The following RAD23B variants were observed in gnomAD, a reference collection of about 807,000 sequenced individuals.
The protein encoded by RAD23B is RAD23 nucleotide excision repair protein B, also known as lysine-specific demethylase RAD23B.
In RAD23B, 5 loss-of-function variants were observed where a neutral mutation model predicts 49.1. The ratio of observed to expected loss-of-function variants is 0.10; its 90% confidence interval spans 0.05 to 0.21. RAD23B has a LOEUF of 0.21. Ranked by LOEUF, RAD23B falls within the 10% of genes least tolerant of loss-of-function variation. The pLI, the probability that RAD23B is intolerant of heterozygous loss-of-function variation, is 1.00. For synonymous variants in RAD23B, 184 were observed against 165.4 expected (o/e 1.11, Z -0.86); for missense variants, 356 against 486.7 (o/e 0.73, Z 2.53).
chr9:107,283,310 G>A lies in RAD23B; in HGVS notation c.-320G>A, dbSNP rs1239709761. The A allele has an allele frequency of 7.3e-6, 3 of 413,372 alleles. No individual in the cohort carries two copies. The highest frequency in any genetic ancestry group is 1.3e-5 in the Non-Finnish European group (3 of 236,712). 25.6% of individuals were successfully genotyped at this position (413,372 alleles called of 1,614,324 possible). ...CGATGATGGCGGCCACCATCCTGTG[G>A]TGAGCTAGCGGATTCCCTGCTTGTC... On this transcript the variant is annotated 5_prime_UTR_variant, in exon 1 of 10. The change creates a new upstream start codon in the 5' untranslated region. Transcript: ENST00000358015.
intron 5 of RAD23B, among the ~76,000 whole-genome samples, chr9:107,314,820 A>G (rs568618746): frequency 6.6e-6 from 1 of 152,254 alleles, no homozygotes; most frequent in East Asian, 1.9e-4. Context: ...TTTTCTCCAC[A>G]TCCTTGCCCA....
rs1827296287 is a variant in RAD23B, at chr9:107,331,021, TATAA to T, written c.*1370_*1373del. On this transcript the variant is annotated 3_prime_UTR_variant, in exon 10 of 10. Coordinates refer to ENST00000358015, the MANE Select transcript of RAD23B (RefSeq NM_002874.5). Reference sequence around the variant, plus strand: ...AGTTTTTCAAATCTGTTTTCCTGAGTATAAATAAGAGTATTTAAAGAAATAATTT... The same window carrying T: ...AGTTTTTCAAATCTGTTTTCCTGAGTATAAGAGTATTTAAAGAAATAATTT... 6.6e-6 allele frequency: 1 copy of T among 152,484 alleles called. No homozygotes were observed. Among genetic ancestry groups the T allele is most frequent in the South Asian group, 2.1e-4 (1 of 4,824 alleles). The allele number at this position is 152,484 out of a possible 1,614,324, so 9.4% of individuals were successfully genotyped here.
chr9:107,302,434 G>A (rs1165732016), intron 3 of RAD23B, among the ~76,000 whole-genome samples: 3 of 152,098 alleles, frequency 2.0e-5, no homozygotes, highest in South Asian at 4.2e-4. Flanking sequence ...CTTTATAAGT[G>A]GAATAAATGT....
intron 2 of RAD23B, 26 bp from the exon 3 acceptor site, chr9:107,302,009 G>A (rs1316492272): frequency 6.2e-7 from 1 of 1,604,734 alleles, no homozygotes. Context: ...TGCCTTAAAT[G>A]ATTTTTTTTT....
chr9:107,329,425 G>C, intron 9 of RAD23B, 118 bp from the exon 10 acceptor site: 1 of 614,068 alleles, frequency 1.6e-6, no homozygotes. Flanking sequence ...TTGGGTTGCA[G>C]TATGTTTTTG....
chr9:107,324,928 G>T lies in RAD23B; in HGVS notation c.1040G>T (p.Gly347Val). ...GGAGGAGGAGGTGGAGGTGGCAGTG[G>T]AGGAATTGCAGAAGCTGGAAGTGGT... ...GQGGGGGGGS[G>V]GIAEAGSGHM... The change falls in exon 9 of 10, where the codon GGA becomes GTA. Residue 347 changes from glycine to valine, a missense_variant. By Grantham distance (109) the Gly-to-Val change is moderately radical. Coordinates refer to ENST00000358015, the MANE Select transcript of RAD23B (RefSeq NM_002874.5). 1 of 1,613,730 alleles carries T rather than the reference G, an allele frequency of 6.2e-7. No homozygotes were observed.
chr9:107,300,291 A>T, intron 2 of RAD23B, 69 bp downstream of exon 2: 1 of 1,505,076 alleles, frequency 6.6e-7, no homozygotes, highest in Non-Finnish European at 8.9e-7. Flanking sequence ...ATGTTATCTT[A>T]TATATTGTAG....
rs373339158 is a variant in RAD23B at position 107,321,997 on chromosome 9, T to C, written c.696T>C (p.Asp232=). The C allele has an allele frequency of 3.0e-5, 49 of 1,610,244 alleles. No homozygotes were observed. The highest frequency in any genetic ancestry group is 1.7e-4 in the Admixed American group (10 of 58,826). The change falls in exon 7 of 10, where the codon GAT becomes GAC. Residue 232 remains aspartate, a synonymous_variant. Transcript: ENST00000358015. ...VEYLLMGIPG[D]RESQAVVDPP... is the part of the protein sequence containing the mutation. ...TTCTATTACAGGGAATCCCTGGAGA[T>C]AGAGAAAGTCAGGCTGTGGTTGACC...
At chr9:107,326,097 T>A (rs2133099386) in intron 9 of RAD23B, among the ~76,000 whole-genome samples, 1 of 152,334 alleles carries the variant, frequency 6.6e-6, no homozygotes, top group African/African-American at 2.4e-5. Flanking sequence ...TGATCTTTTT[T>A]ATATGTTGCT....
chr9:107,309,806 C>T (rs1038386848), intron 4 of RAD23B, among the ~76,000 whole-genome samples: 4 of 151,952 alleles, frequency 2.6e-5, no homozygotes, highest in East Asian at 1.9e-4. Context: ...TGGCGGGCGC[C>T]TGTAGTCCCA....
At chr9:107,307,298 C>T (rs1337288168) in intron 4 of RAD23B, among the ~76,000 whole-genome samples, 1 of 152,210 alleles carries the variant, frequency 6.6e-6, no homozygotes, top group African/African-American at 2.4e-5. Context: ...AGCAGAGACA[C>T]CTCAACTAAG....
intron 1 of RAD23B, among the ~76,000 whole-genome samples, chr9:107,285,399 C>T (rs1253100279): frequency 6.6e-6 from 1 of 152,128 alleles, no homozygotes; most frequent in Non-Finnish European, 1.5e-5. Flanking sequence ...TTATAATACT[C>T]AGTTAATTTC....
In RAD23B at chr9:107,302,946, G is replaced by A. The variant is rs372453949; in HGVS notation, c.228+832G>A. Reference sequence around the variant, plus strand: ...GCTGGGATTACAGGCGTGAGCCACCGCGCCCAGCCTGGAAGTTTTAAACAG... The same window carrying A: ...GCTGGGATTACAGGCGTGAGCCACCACGCCCAGCCTGGAAGTTTTAAACAG... On this transcript the variant is annotated intron_variant, in intron 3 of 9. Transcript: ENST00000358015. 3.2e-4 allele frequency among the ~76,000 whole-genome samples: 49 copies of A among 152,194 alleles called. 2 individuals carry two copies. The highest frequency in any genetic ancestry group is 1.2e-3 in the African/African-American group (49 of 41,526).
chr9:107,301,883 C>A, intron 2 of RAD23B, 152 bp from the exon 3 acceptor site: 5 of 1,117,828 alleles, frequency 4.5e-6, no homozygotes, highest in Admixed American at 3.3e-5. Context: ...ATTGGTTTTT[C>A]TTTGGGAAAA....
At chr9:107,329,404 CAA>C (rs1425703398) in intron 9 of RAD23B, 137 bp from the exon 10 acceptor site, 9 of 549,442 alleles carry the variant, frequency 1.6e-5, no homozygotes, top group Non-Finnish European at 2.9e-5. Context: ...GTAAAATTCT[CAA>C]GAGCTTTTTT....
chr9:107,299,682 T>A (rs1227172010), intron 1 of RAD23B, among the ~76,000 whole-genome samples: 1 of 152,218 alleles, frequency 6.6e-6, no homozygotes. Context: ...CCCCTGGTGA[T>A]TGTAATGAAA....
intron 1 of RAD23B, among the ~76,000 whole-genome samples, chr9:107,285,704 A>G (rs73515717): frequency 0.022 from 3,344 of 152,330 alleles, 118 homozygotes; most frequent in African/African-American, 0.073. Context: ...CGGTTTCTAC[A>G]GCTTTCGCTG....
chr9:107,294,670 A>G (rs987834715), intron 1 of RAD23B, among the ~76,000 whole-genome samples: 1 of 152,370 alleles, frequency 6.6e-6, no homozygotes, highest in Non-Finnish European at 1.5e-5. Flanking sequence ...CAGTTCTTCT[A>G]CAGATACATT....
rs1827042539 is a variant in RAD23B at position 107,318,651 on chromosome 9, C to A, written c.554-101C>A. On this transcript the variant is annotated intron_variant, in intron 5 of 9. Transcript: ENST00000358015. This position sits in a 1 kb window ranked among gnomAD's most constrained non-coding sequence, Gnocchi z 4.3. ...CTGTTACTCATCTTTGTATTCCCAG[C>A]ATAGTAGTTCCTGAAATGTTGTATA... is the stretch of plus-strand genomic sequence containing the variant. The A allele has an allele frequency of 8.0e-7, 1 of 1,254,996 alleles. No homozygotes were observed. Among genetic ancestry groups the A allele is most frequent in the South Asian group, 1.4e-5 (1 of 69,492 alleles). 77.7% of individuals were successfully genotyped at this position (1,254,996 alleles called of 1,614,324 possible).
Sources: gnomAD v4.1 joint callset for allele counts (sites outside exome capture counted in the v4.1 genomes callset) on GRCh38, gnomAD v4.1.1 for gene constraint, Gnocchi (gnomAD v3.1) non-coding constraint, MANE v1.5 for transcripts, NCBI Gene and HGNC (gene_info 2026-07-23, HGNC 2026-07-21) for gene names.